S100A8: variants seen among roughly 807,000 people sequenced by gnomAD.
S100A8 encodes S100 calcium binding protein A8, also known as protein S100-A8.
In S100A8, 1 loss-of-function variant was observed where a neutral mutation model predicts 4.2. The ratio of observed to expected loss-of-function variants is 0.24; its 90% CI spans 0.08 to 1.12. The LOEUF (loss-of-function observed/expected upper bound fraction) is 1.12. S100A8 is among the 50% of genes most tolerant of loss of function. The pLI is 0.53. For missense variants in S100A8, 96 were observed against 111.8 expected, an observed-to-expected ratio of 0.86 and a Z score of 0.64; for synonymous variants, 41 against 44.7, an observed-to-expected ratio of 0.92 and a Z score of 0.33.
the S100A8 span, among the ~76,000 whole-genome samples, chr1:153,399,420 C>G: frequency 6.6e-6 from 1 of 152,134 alleles, no homozygotes; most frequent in Non-Finnish European, 1.5e-5. Flanking sequence ...TGTCTCCCTG[C>G]CTCAGAGCTT....
chr1:153,399,500 C>G, the S100A8 span, among the ~76,000 whole-genome samples: 3 of 152,178 alleles, frequency 2.0e-5, no homozygotes, highest in Admixed American at 2.0e-4. Flanking sequence ...GGTGTCCTCC[C>G]TCCATTAGTG....
the S100A8 span, among the ~76,000 whole-genome samples, chr1:153,414,760 G>T: frequency 4.6e-5 from 7 of 152,234 alleles, no homozygotes; most frequent in South Asian, 1.0e-3. Context: ...CACACTCTTC[G>T]GGATTTACCC....
chr1:153,422,553 A>G, the S100A8 span: 1 of 984,958 alleles, frequency 1.0e-6, no homozygotes, highest in Admixed American at 6.1e-5. Flanking sequence ...TGGAAATCCA[A>G]ATGTTCCCCA....
chr1:153,411,701 G>C, the S100A8 span, among the ~76,000 whole-genome samples: 1 of 151,994 alleles, frequency 6.6e-6, no homozygotes, highest in African/African-American at 2.4e-5. Context: ...AGAACAAAGT[G>C]GGAGGCATCA....
chr1:153,407,634 C>T, the S100A8 span, among the ~76,000 whole-genome samples: 33 of 152,284 alleles, frequency 2.2e-4, no homozygotes, highest in East Asian at 2.3e-3. Context: ...TCTCCAAGCA[C>T]GGAGTTTGAG....
At chr1:153,409,172 C>T in the S100A8 span, among the ~76,000 whole-genome samples, 1 of 152,130 alleles carries the variant, frequency 6.6e-6, no homozygotes, top group Admixed American at 6.5e-5. Flanking sequence ...AATTAAAAGA[C>T]ACAGACTGGC....
the S100A8 span, chr1:153,419,171 C>T: frequency 1.2e-6 from 2 of 1,614,018 alleles, no homozygotes; most frequent in Non-Finnish European, 1.7e-6. Context: ...ATTACCTCGC[C>T]ACTGTCTTTG....
At chr1:153,394,668 A>G (rs1344493507), upstream of S100A8, among the ~76,000 whole-genome samples, 3 of 152,154 alleles carry the variant, frequency 2.0e-5, no homozygotes, top group Non-Finnish European at 4.4e-5. Context: ...TGAAAGGCAA[A>G]CTAAGCTGAT....
At chr1:153,400,827 C>T in the S100A8 span, among the ~76,000 whole-genome samples, 3 of 152,186 alleles carry the variant, frequency 2.0e-5, no homozygotes, top group Non-Finnish European at 4.4e-5. Flanking sequence ...AGGAAAATGT[C>T]CACCATTGCA....
chr1:153,400,206 G>C, the S100A8 span, among the ~76,000 whole-genome samples: 2 of 152,170 alleles, frequency 1.3e-5, no homozygotes, highest in Admixed American at 6.5e-5. Context: ...AAATCAGTTG[G>C]GTGATGGACG....
At chr1:153,402,310 T>A in the S100A8 span, among the ~76,000 whole-genome samples, 1 of 152,200 alleles carries the variant, frequency 6.6e-6, no homozygotes, top group South Asian at 2.1e-4. Flanking sequence ...ACACAGCTAG[T>A]AATGCAGAGG....
At chr1:153,390,766 A>T in intron 1 of S100A8, 1 of 627,628 alleles carries the variant, frequency 1.6e-6, no homozygotes, top group South Asian at 2.2e-5. Flanking sequence ...TCACACAGAG[A>T]CATGTGCACA....
At chr1:153,392,866 C>T (rs3885688), upstream of S100A8, among the ~76,000 whole-genome samples, 1,301 of 152,282 alleles carry the variant, frequency 8.5e-3, 25 homozygotes, top group African/African-American at 0.03. Context: ...CAGCACAGTG[C>T]CCAGCACACA....
the S100A8 span, chr1:153,416,379 A>C: frequency 4.5e-6 from 1 of 222,972 alleles, no homozygotes; most frequent in Non-Finnish European, 9.2e-6. Context: ...AGAAATCCTG[A>C]GCACAGCCTC....
chr1:153,394,115 G>A, upstream of S100A8, among the ~76,000 whole-genome samples: 1 of 152,222 alleles, frequency 6.6e-6, no homozygotes, highest in East Asian at 1.9e-4. Context: ...GCGGACATGG[G>A]GCAACCTAGA....
chr1:153,415,146 G>A, the S100A8 span, among the ~76,000 whole-genome samples: 1 of 151,992 alleles, frequency 6.6e-6, no homozygotes, highest in South Asian at 2.1e-4. Flanking sequence ...CTGTGTGTGT[G>A]TGTATGTGTG....
the S100A8 span, among the ~76,000 whole-genome samples, chr1:153,401,778 G>A: frequency 1.3e-5 from 2 of 152,208 alleles, no homozygotes; most frequent in African/African-American, 4.8e-5. Context: ...CGGTGAGGTG[G>A]TGGTGAAGAG....
the S100A8 span, chr1:153,418,370 G>A: frequency 9.0e-7 from 1 of 1,107,614 alleles, no homozygotes; most frequent in East Asian, 2.4e-5. Context: ...TGGATCATAT[G>A]TGAATCTAAG....
At chr1:153,391,493 G>A (rs1453510887), upstream of S100A8, among the ~76,000 whole-genome samples, 1 of 152,134 alleles carries the variant, frequency 6.6e-6, no homozygotes, top group Non-Finnish European at 1.5e-5. Context: ...TTCCTCCATG[G>A]CTTCTGTCAG....
Sources: gnomAD v4.1 joint callset for allele counts (sites outside exome capture counted in the v4.1 genomes callset) on GRCh38, gnomAD v4.1.1 for gene constraint, MANE v1.5 for transcripts, NCBI Gene and HGNC (gene_info 2026-07-23, HGNC 2026-07-21) for gene names.